The following JAM3 variants were observed in gnomAD, a reference collection of about 807,000 sequenced individuals.
The protein encoded by JAM3 is junctional adhesion molecule 3.
JAM3 carries 31 observed loss-of-function variants against 39.4 expected under a neutral mutation model. The observed-to-expected ratio is 0.79, with a 90% CI of 0.59 to 1.06. The LOEUF (loss-of-function observed/expected upper bound fraction) is 1.06. Among genes scored for constraint, JAM3 ranks in the 50% least tolerant of loss-of-function variants. JAM3 has a pLI of 0.00. For synonymous variants in JAM3, 182 were observed against 148.7 expected (o/e 1.22, Z -1.63); for missense variants, 455 against 391.4 (o/e 1.16, Z -1.37).
chr11:134,081,869 C>T (rs574845809), intron 1 of JAM3, among the ~76,000 whole-genome samples: 19 of 152,358 alleles, frequency 1.2e-4, no homozygotes, highest in African/African-American at 4.1e-4. Context: ...GTGAGAGCAG[C>T]GGGGAGCAAG....
At chr11:134,133,774 T>TAC (rs1180109740) in intron 1 of JAM3, among the ~76,000 whole-genome samples, 2 of 152,096 alleles carry the variant, frequency 1.3e-5, no homozygotes, top group Admixed American at 6.6e-5. Flanking sequence ...CCTTCCCCCC[T>TAC]ACACACACAC....
At chr11:134,118,335 G>A (rs1037537387) in intron 1 of JAM3, among the ~76,000 whole-genome samples, 1 of 152,162 alleles carries the variant, frequency 6.6e-6, no homozygotes, top group African/African-American at 2.4e-5. Flanking sequence ...CCAGGCTCAT[G>A]CAAAGATGGT....
intron 1 of JAM3, among the ~76,000 whole-genome samples, chr11:134,113,721 C>T (rs974545832): frequency 1.3e-5 from 2 of 152,172 alleles, no homozygotes; most frequent in African/African-American, 4.8e-5. Flanking sequence ...AATGGGATGG[C>T]TGGGTCAAAA....
intron 1 of JAM3, among the ~76,000 whole-genome samples, chr11:134,100,734 A>C (rs1361345316): frequency 6.6e-6 from 1 of 152,160 alleles, no homozygotes; most frequent in Non-Finnish European, 1.5e-5. Flanking sequence ...AAGGTATTAT[A>C]ATTATCCCCA....
At chr11:134,107,510 G>T (rs1318348753) in intron 1 of JAM3, among the ~76,000 whole-genome samples, 3 of 151,922 alleles carry the variant, frequency 2.0e-5, no homozygotes, top group Non-Finnish European at 2.9e-5. Context: ...AAAAAAAAGT[G>T]TTTTGAAGTG....
intron 1 of JAM3, among the ~76,000 whole-genome samples, chr11:134,131,416 T>A (rs763380211): frequency 1.1e-3 from 169 of 151,590 alleles, no homozygotes; most frequent in Non-Finnish European, 1.7e-3. Context: ...GTAATTTTTT[T>A]AAAAAACACA....
chr11:134,111,584 C>T (rs965299034), intron 1 of JAM3, among the ~76,000 whole-genome samples: 3 of 152,122 alleles, frequency 2.0e-5, no homozygotes, highest in Admixed American at 6.5e-5. Context: ...CATGGTATGA[C>T]AAGAATCAGA....
At position 134,112,010 on chromosome 11, in the gene JAM3, C is replaced by T. The variant is rs896418755; in HGVS notation, c.77-27841C>T. 1.2e-4 allele frequency among the ~76,000 whole-genome samples: 18 copies of T among 152,280 alleles called. 1 individual carries two copies. In the East Asian group the frequency reaches 3.5e-3, roughly 29 times the overall value. Reference sequence around the variant, plus strand: ...TAAAATCAAGGAAGACAGTGGATCTCTAAACGTGAAAAAAGAAATACCTTC... The same window carrying T: ...TAAAATCAAGGAAGACAGTGGATCTTTAAACGTGAAAAAAGAAATACCTTC... On this transcript the variant is annotated intron_variant, in intron 1 of 8. Coordinates refer to ENST00000299106, the MANE Select transcript of JAM3 (RefSeq NM_032801.5).
intron 3 of JAM3, among the ~76,000 whole-genome samples, chr11:134,141,789 G>C (rs1942976461): frequency 6.6e-6 from 1 of 152,094 alleles, no homozygotes; most frequent in African/African-American, 2.4e-5. Context: ...CAGGTGGCTG[G>C]AGAGGAGGAT....
chr11:134,120,481 A>C (rs1565495796), intron 1 of JAM3, among the ~76,000 whole-genome samples: 3 of 152,244 alleles, frequency 2.0e-5, no homozygotes, highest in African/African-American at 7.2e-5. Context: ...AATGAGTATA[A>C]ACCCAAATTA....
intron 1 of JAM3, among the ~76,000 whole-genome samples, chr11:134,118,861 C>A (rs550638271): frequency 6.6e-6 from 1 of 152,016 alleles, no homozygotes; most frequent in African/African-American, 2.4e-5. Flanking sequence ...GGTTAACGGT[C>A]TTTCCAGGTT....
intron 1 of JAM3, among the ~76,000 whole-genome samples, chr11:134,122,669 C>T (rs1258054779): frequency 2.6e-5 from 4 of 152,178 alleles, no homozygotes; most frequent in African/African-American, 7.2e-5. Flanking sequence ...AATAACAAGG[C>T]AATCAATGGT....
At chr11:134,141,777 G>C (rs971150155) in intron 3 of JAM3, among the ~76,000 whole-genome samples, 4 of 152,156 alleles carry the variant, frequency 2.6e-5, no homozygotes, top group Admixed American at 2.6e-4. Flanking sequence ...GAGGGAGGCA[G>C]GCAGGTGGCT....
At chr11:134,143,531 C>T (rs1943012960) in intron 3 of JAM3, among the ~76,000 whole-genome samples, 1 of 152,188 alleles carries the variant, frequency 6.6e-6, no homozygotes, top group Non-Finnish European at 1.5e-5. Flanking sequence ...ACTGCACCCA[C>T]CCTTATGTCC....
intron 1 of JAM3, among the ~76,000 whole-genome samples, chr11:134,087,403 C>T (rs1422100565): frequency 6.6e-6 from 1 of 152,176 alleles, no homozygotes; most frequent in Non-Finnish European, 1.5e-5. Context: ...GACATAAAAT[C>T]ATGACCTCCC....
intron 6 of JAM3, 88 bp from the exon 7 acceptor site, chr11:134,148,459 G>A: frequency 5.0e-6 from 8 of 1,586,474 alleles, no homozygotes; most frequent in East Asian, 2.2e-5. Context: ...TGGGTTTGGG[G>A]TGAAGGAAGG....
At position 134,131,044 on chromosome 11, in the gene JAM3, A is replaced by G. The variant is rs527278053; in HGVS notation, c.77-8807A>G. ...AATTACGACTCTCAAAAGCAGCCAC[A>G]TGTATGAAGGAAAATAGAAAGCTGT... On this transcript the variant is annotated intron_variant, in intron 1 of 8. Coordinates refer to ENST00000299106, the MANE Select transcript of JAM3 (RefSeq NM_032801.5). Among the ~76,000 whole-genome samples, 20 of 152,290 alleles carry G rather than the reference A, an allele frequency of 1.3e-4. No individual in the cohort carries two copies. In the South Asian group the frequency reaches 1.7e-3, roughly 13 times the overall value.
chr11:134,077,073 G>C (rs1377605962), intron 1 of JAM3, among the ~76,000 whole-genome samples: 2 of 152,086 alleles, frequency 1.3e-5, no homozygotes, highest in African/African-American at 4.8e-5. Flanking sequence ...GACCTTAGGT[G>C]ATCTGCCCAC....
chr11:134,082,083 C>CT (rs1463889310), intron 1 of JAM3, among the ~76,000 whole-genome samples: 1 of 152,084 alleles, frequency 6.6e-6, no homozygotes. Flanking sequence ...CATTTTGGAG[C>CT]TTTAAGACTT....
Sources: gnomAD v4.1 joint callset for allele counts (sites outside exome capture counted in the v4.1 genomes callset) on GRCh38, gnomAD v4.1.1 for gene constraint, MANE v1.5 for transcripts, NCBI Gene and HGNC (gene_info 2026-07-23, HGNC 2026-07-21) for gene names.